The following GRM4 variants were observed in gnomAD, a reference collection of about 807,000 sequenced individuals.
GRM4 encodes metabotropic glutamate receptor 4.
GRM4 carries 28 observed loss-of-function variants against 81.7 expected under a neutral mutation model. The observed-to-expected ratio is 0.34, with a 90% CI of 0.25 to 0.47. GRM4 has a LOEUF of 0.47. GRM4 is among the 20% of genes least tolerant of loss of function. The probability of loss-of-function intolerance (pLI) is 1.00; values close to 1 mark genes in which losing one functional copy is unlikely to be tolerated. For missense variants in GRM4, 948 were observed against 1,290.0 expected (o/e 0.73, Z 4.06); for synonymous variants, 488 against 528.8 (o/e 0.92, Z 1.06).
intron 10 of GRM4, among the ~76,000 whole-genome samples, chr6:34,025,013 T>C (rs1168863793): frequency 6.6e-6 from 1 of 152,092 alleles, no homozygotes; most frequent in Non-Finnish European, 1.5e-5. Flanking sequence ...TGGCAGGTGC[T>C]GAGAGGGAGA....
Position 34,152,875 on chromosome 6 carries a change from G to A in GRM4, c.312+2204C>T, listed in dbSNP as rs576415271. Reference sequence around the variant, plus strand: ...GGAGGGTGGCTGGGGATGGGAAGGTGGGGCATCTCAGGAGGGCCAGGGCCT... The same window carrying A: ...GGAGGGTGGCTGGGGATGGGAAGGTAGGGCATCTCAGGAGGGCCAGGGCCT... On this transcript the variant is annotated intron_variant, in intron 1 of 8. Coordinates refer to the GRM4 transcript ENST00000374177. This position sits in a 1 kb window ranked among gnomAD's most constrained non-coding sequence, Gnocchi z 4.1. Among the ~76,000 whole-genome samples, 17 of 152,148 alleles carry A rather than the reference G, an allele frequency of 1.1e-4. No homozygotes were observed. The highest frequency in any genetic ancestry group is 2.1e-4 in the Non-Finnish European group (14 of 68,030).
intron 2 of GRM4, among the ~76,000 whole-genome samples, chr6:34,097,478 CAT>C (rs750057519): frequency 2.6e-5 from 4 of 152,172 alleles, no homozygotes; most frequent in East Asian, 1.9e-4. Context: ...TCCAGGCACA[CAT>C]GTGTGCTTAG....
In GRM4 at chr6:34,044,249, GA is replaced by G. The variant is rs1455573385; in HGVS notation, c.1169-3502del. ...ATACAGACACACACATACACACACA[GA>G]GACATACATACATACACATATACAC... On this transcript the variant is annotated intron_variant, in intron 6 of 10. Transcript: ENST00000538487. 4.1e-5 allele frequency among the ~76,000 whole-genome samples: 5 copies of G among 123,136 alleles called. No homozygotes were observed. In the East Asian group the frequency reaches 1.3e-3, roughly 32 times the overall value. The allele number at this position is 123,136 out of a possible 152,430, so 80.8% of individuals were successfully genotyped here.
chr6:34,107,298 G>A (rs996316333), intron 2 of GRM4, among the ~76,000 whole-genome samples: 1 of 152,164 alleles, frequency 6.6e-6, no homozygotes, highest in African/African-American at 2.4e-5. Flanking sequence ...CCTGGCAAGG[G>A]GGGAGAGGCG....
chr6:34,040,975 C>T (rs537087473), intron 6 of GRM4, among the ~76,000 whole-genome samples: 1 of 152,204 alleles, frequency 6.6e-6, no homozygotes, highest in Non-Finnish European at 1.5e-5. Context: ...CCGGCCTGGA[C>T]ACCGTACCAC....
intron 3 of GRM4, among the ~76,000 whole-genome samples, chr6:34,076,569 T>G (rs1490369335): frequency 6.6e-6 from 1 of 152,114 alleles, no homozygotes; most frequent in African/African-American, 2.4e-5. Flanking sequence ...ACCAAGAAGA[T>G]GGATGTGAGA....
chr6:34,114,427 ACT>A lies in GRM4; in HGVS notation c.519+18549_519+18550del, dbSNP rs1769505072. ...GAATTGTTCTATCCATCTCCTCATC[ACT>A]CTCTCAGCTTCAGGCCTTGCCCTGC... On this transcript the variant is annotated intron_variant, in intron 2 of 10. Coordinates refer to ENST00000538487, the MANE Select transcript of GRM4 (RefSeq NM_000841.4). This position sits in a 1 kb window ranked among gnomAD's most constrained non-coding sequence, Gnocchi z 4.3. Among the ~76,000 whole-genome samples the A allele has an allele frequency of 6.6e-6, 1 of 151,038 alleles. No individual in the cohort carries two copies. The highest frequency in any genetic ancestry group is 2.4e-5 in the African/African-American group (1 of 40,978).
At chr6:34,100,060 T>C in intron 2 of GRM4, 1 of 983,768 alleles carries the variant, frequency 1.0e-6, no homozygotes, top group African/African-American at 1.7e-5. Flanking sequence ...ACCAGCTGCC[T>C]ACTCCTGCCC....
chr6:34,083,812 G>C (rs1422319216), intron 3 of GRM4, among the ~76,000 whole-genome samples: 1 of 152,146 alleles, frequency 6.6e-6, no homozygotes, highest in Non-Finnish European at 1.5e-5. Context: ...CAGCACCCCT[G>C]CCTGCTTCTA....
intron 3 of GRM4, among the ~76,000 whole-genome samples, chr6:34,083,509 A>T (rs1408676883): frequency 6.6e-6 from 1 of 152,166 alleles, no homozygotes; most frequent in Non-Finnish European, 1.5e-5. Flanking sequence ...TGCCAGGTCC[A>T]CTTAATTTCC....
In GRM4 at chr6:34,023,000, C is replaced by A; in HGVS notation, c.2690-130G>T. 3 of 761,382 alleles carry A rather than the reference C, an allele frequency of 3.9e-6. No homozygotes were observed. The allele number at this position is 761,382 out of a possible 1,614,324, so 47.2% of individuals were successfully genotyped here. A position where few individuals can be genotyped will look rare whatever the true frequency, so the allele number is the denominator to read the frequency against. On this transcript the variant is annotated intron_variant, in intron 10 of 10. Transcript: ENST00000538487. This position sits in a 1 kb window ranked among gnomAD's most constrained non-coding sequence, Gnocchi z 5.6. ...GCCTCTCATGGCATCCAGTCCTGAG[C>A]TGAGCAATCGACACTGCCCCAAACT...
intron 2 of GRM4, among the ~76,000 whole-genome samples, chr6:34,118,426 G>A (rs1769679643): frequency 6.6e-6 from 1 of 152,204 alleles, no homozygotes; most frequent in Non-Finnish European, 1.5e-5. Flanking sequence ...GCACTGTGCT[G>A]GGGGGCTGGG....
intron 3 of GRM4, among the ~76,000 whole-genome samples, chr6:34,086,642 G>A (rs1767903243): frequency 6.6e-6 from 1 of 152,174 alleles, no homozygotes; most frequent in African/African-American, 2.4e-5. Flanking sequence ...AGGACTTCCT[G>A]CCCCATGCAC....
At chr6:34,039,293 C>T (rs1307105326) in intron 8 of GRM4, among the ~76,000 whole-genome samples, 1 of 152,162 alleles carries the variant, frequency 6.6e-6, no homozygotes, top group Non-Finnish European at 1.5e-5. Context: ...AAGAGCAGAG[C>T]ACGAGGGGTT....
At chr6:34,046,777 C>T (rs1399106059) in intron 6 of GRM4, among the ~76,000 whole-genome samples, 1 of 152,194 alleles carries the variant, frequency 6.6e-6, no homozygotes, top group East Asian at 1.9e-4. Context: ...CACCACACAC[C>T]TACACAGATA....
In GRM4 at chr6:34,062,041, C is replaced by T; in HGVS notation, c.737-13G>A. The T allele has an allele frequency of 6.2e-7, 1 of 1,601,982 alleles. No homozygotes were observed. Among genetic ancestry groups the T allele is most frequent in the South Asian group, 1.1e-5 (1 of 89,946 alleles). ...ATGCACACGCCCCCTGCAGGAGGGGCACCAGTTAGTTGGGGTGGGCAGGGG... is the reference window on the plus strand; with the variant it reads ...ATGCACACGCCCCCTGCAGGAGGGGTACCAGTTAGTTGGGGTGGGCAGGGG... On this transcript the variant is annotated splice_polypyrimidine_tract_variant and intron_variant, in intron 3 of 10. Transcript: ENST00000538487.
At chr6:34,142,474 G>A (rs767886825) in intron 1 of GRM4, among the ~76,000 whole-genome samples, 71 of 152,300 alleles carry the variant, frequency 4.7e-4, no homozygotes, top group Non-Finnish European at 6.9e-4. Flanking sequence ...GAGAGGACAC[G>A]TCTATCGGCA....
At chr6:34,027,780 G>A (rs1389712925) in intron 10 of GRM4, among the ~76,000 whole-genome samples, 5 of 152,218 alleles carry the variant, frequency 3.3e-5, no homozygotes, top group African/African-American at 4.8e-5. Context: ...CGGGGTCCCC[G>A]CTCACCCTCA....
chr6:34,041,537 T>G (rs1426880274), intron 6 of GRM4, among the ~76,000 whole-genome samples: 1 of 152,218 alleles, frequency 6.6e-6, no homozygotes, highest in African/African-American at 2.4e-5. Context: ...CACTGACCTC[T>G]GCTCTGGGGC....
Sources: gnomAD v4.1 joint callset for allele counts (sites outside exome capture counted in the v4.1 genomes callset) on GRCh38, gnomAD v4.1.1 for gene constraint, Gnocchi (gnomAD v3.1) non-coding constraint, MANE v1.5 for transcripts, NCBI Gene and HGNC (gene_info 2026-07-23, HGNC 2026-07-21) for gene names.